SAE1: variants seen among roughly 807,000 people sequenced by gnomAD.
SAE1 encodes SUMO-activating enzyme subunit 1.
Under a neutral mutation model 40.6 loss-of-function variants are expected in SAE1, and 11 were observed. The ratio of observed to expected loss-of-function variants is 0.27; its 90% CI spans 0.17 to 0.45. The LOEUF (loss-of-function observed/expected upper bound fraction) is 0.45. Ranked by LOEUF, SAE1 falls within the 20% of genes least tolerant of loss-of-function variation. The pLI, the probability that SAE1 is intolerant of heterozygous loss-of-function variation, is 1.00. For synonymous variants in SAE1, 155 were observed against 154.3 expected (o/e 1.00, Z -0.03); for missense variants, 373 against 427.3 (o/e 0.87, Z 1.12).
intron 5 of SAE1, among the ~76,000 whole-genome samples, chr19:47,158,879 G>A (rs2058340247): frequency 6.6e-6 from 1 of 152,198 alleles, no homozygotes; most frequent in Admixed American, 6.5e-5. Flanking sequence ...TTACAAAGAG[G>A]GATACCCCTG....
intron 3 of SAE1, among the ~76,000 whole-genome samples, chr19:47,151,062 G>C (rs1246363648): frequency 2.0e-5 from 3 of 152,008 alleles, no homozygotes; most frequent in African/African-American, 7.2e-5. Context: ...ATGTGAAATA[G>C]TCATAGATGA....
At chr19:47,135,601 C>T (rs2123175261) in intron 1 of SAE1, 1 of 152,102 alleles carries the variant, frequency 6.6e-6, no homozygotes, top group East Asian at 1.9e-4. Flanking sequence ...ACTTCTTGGG[C>T]TCAGGTGATC....
intron 1 of SAE1, among the ~76,000 whole-genome samples, chr19:47,132,984 G>A (rs971508887): frequency 6.6e-6 from 1 of 152,090 alleles, no homozygotes; most frequent in Non-Finnish European, 1.5e-5. Context: ...GGCCAGGGAA[G>A]GGCTCTGAAG....
intron 6 of SAE1, among the ~76,000 whole-genome samples, chr19:47,182,709 A>G (rs2058518048): frequency 6.6e-6 from 1 of 152,150 alleles, no homozygotes; most frequent in South Asian, 2.1e-4. Context: ...TCGGTCTGCA[A>G]GAGAGGTTCA....
At chr19:47,177,746 G>A (rs541307693) in intron 6 of SAE1, among the ~76,000 whole-genome samples, 9 of 152,154 alleles carry the variant, frequency 5.9e-5, no homozygotes, top group Non-Finnish European at 1.3e-4. Flanking sequence ...GAAACTGAAG[G>A]TCTGACCATC....
At position 47,150,239 on chromosome 19, in the gene SAE1, G is replaced by T; in HGVS notation, c.248G>T (p.Arg83Leu). The T allele has an allele frequency of 6.2e-7, 1 of 1,612,332 alleles. No individual in the cohort carries two copies. Among genetic ancestry groups the T allele is most frequent in the Non-Finnish European group, 8.5e-7 (1 of 1,179,574 alleles). ...PEDPGAQFLI[R>L]TGSVGRNRAE... ...GATCCCGGAGCTCAGTTCTTGATTCGTACTGGGTCTGTTGGCCGAAATAGG... is the reference window on the plus strand; with the variant it reads ...GATCCCGGAGCTCAGTTCTTGATTCTTACTGGGTCTGTTGGCCGAAATAGG... Residue 83 changes from arginine to leucine, a missense_variant, in exon 3 of 9, where the codon CGT becomes CTT. Physicochemically the swap from Arg to Leu is moderately radical, Grantham distance 102. Transcript: ENST00000270225.
chr19:47,200,657 T>C (rs1025133821), intron 7 of SAE1, among the ~76,000 whole-genome samples: 4 of 152,128 alleles, frequency 2.6e-5, no homozygotes, highest in African/African-American at 7.2e-5. Context: ...TAGACAGGCG[T>C]CAGCCACTTG....
intron 2 of SAE1, among the ~76,000 whole-genome samples, chr19:47,145,996 A>T (rs188837327): frequency 6.8e-6 from 1 of 146,292 alleles, no homozygotes; most frequent in Admixed American, 7.0e-5. Context: ...GTTGTGGTAC[A>T]TGAAAGATTT....
chr19:47,153,545 C>T (rs2058301041), intron 4 of SAE1, among the ~76,000 whole-genome samples: 1 of 152,288 alleles, frequency 6.6e-6, no homozygotes. Flanking sequence ...TGACCACCCC[C>T]TCCAAAACCC....
intron 5 of SAE1, among the ~76,000 whole-genome samples, chr19:47,157,955 T>G (rs1386646925): frequency 6.6e-6 from 1 of 152,108 alleles, no homozygotes; most frequent in Non-Finnish European, 1.5e-5. Flanking sequence ...ATAACATGCC[T>G]CCTTCCGTTT....
intron 6 of SAE1, among the ~76,000 whole-genome samples, chr19:47,181,528 G>A (rs1011473265): frequency 7.4e-6 from 1 of 135,130 alleles, no homozygotes; most frequent in Non-Finnish European, 1.5e-5. Flanking sequence ...GCCCATGCTG[G>A]AGTGCAGTGG....
chr19:47,141,380 G>C (rs1053008019), intron 1 of SAE1, among the ~76,000 whole-genome samples: 1 of 152,182 alleles, frequency 6.6e-6, no homozygotes, highest in Non-Finnish European at 1.5e-5. Context: ...GACCTCAGGT[G>C]ATCCACCCAT....
At chr19:47,186,540 C>T (rs548687957) in intron 6 of SAE1, among the ~76,000 whole-genome samples, 19 of 152,220 alleles carry the variant, frequency 1.2e-4, no homozygotes, top group African/African-American at 4.3e-4. Flanking sequence ...GTGCAGGTCC[C>T]TCAGCCTTCT....
rs1055547744 is a variant in SAE1 at position 47,203,850 on chromosome 19, A to G, written c.948+110A>G. 4 of 982,848 alleles carry G rather than the reference A, an allele frequency of 4.1e-6. No individual in the cohort carries two copies. In the East Asian group the frequency reaches 7.4e-5, roughly 18 times the overall value. 60.9% of individuals were successfully genotyped at this position (982,848 alleles called of 1,614,324 possible). A position where few individuals can be genotyped will look rare whatever the true frequency, so the allele number is the denominator to read the frequency against. On this transcript the variant is annotated intron_variant, in intron 8 of 8. Transcript: ENST00000270225. ...CTGCCTGCTTTCTCTCACCCCATTCATCTTTGTTTCATGCCCTCCCCATTT... is the reference window on the plus strand; with the variant it reads ...CTGCCTGCTTTCTCTCACCCCATTCGTCTTTGTTTCATGCCCTCCCCATTT...
chr19:47,152,526 A>G (rs553803024), intron 3 of SAE1, among the ~76,000 whole-genome samples: 1 of 152,320 alleles, frequency 6.6e-6, no homozygotes, highest in East Asian at 1.9e-4. Flanking sequence ...TTGTCCCTGT[A>G]GCTTATTTGG....
chr19:47,164,695 C>T (rs1315866764), intron 5 of SAE1, among the ~76,000 whole-genome samples: 3 of 126,200 alleles, frequency 2.4e-5, no homozygotes, highest in Non-Finnish European at 4.7e-5. Context: ...GTCACCCAGG[C>T]GGGAGTGCAG....
intron 6 of SAE1, among the ~76,000 whole-genome samples, chr19:47,178,418 G>A (rs1476082365): frequency 6.6e-6 from 1 of 152,196 alleles, no homozygotes; most frequent in Non-Finnish European, 1.5e-5. Flanking sequence ...TTAGGGGAAA[G>A]TACTGTCATA....
chr19:47,141,745 C>A (rs998933743), intron 1 of SAE1, among the ~76,000 whole-genome samples: 3 of 152,198 alleles, frequency 2.0e-5, no homozygotes, highest in African/African-American at 7.2e-5. Context: ...AAATTAATAG[C>A]AAACTCTTAC....
At chr19:47,191,265 T>C (rs2058576080) in intron 6 of SAE1, among the ~76,000 whole-genome samples, 1 of 151,904 alleles carries the variant, frequency 6.6e-6, no homozygotes, top group Non-Finnish European at 1.5e-5. Flanking sequence ...ACAAAAGTTA[T>C]TTGGGCGTGG....
Sources: allele counts gnomAD v4.1 joint callset (sites outside exome capture counted in the v4.1 genomes callset), GRCh38; gene constraint gnomAD v4.1.1; transcripts MANE v1.5; gene names NCBI Gene and HGNC (gene_info 2026-07-23, HGNC 2026-07-21).